UBE2D3: variants seen among roughly 807,000 people sequenced by gnomAD.
UBE2D3 encodes ubiquitin-conjugating enzyme E2 D3.
Under a neutral mutation model 22.8 loss-of-function variants are expected in UBE2D3, and 2 were observed. That is an observed-to-expected ratio of 0.09 (90% CI 0.04 to 0.28). The LOEUF (loss-of-function observed/expected upper bound fraction) is 0.28, where lower values mean the gene tolerates loss of function less well. UBE2D3 is among the 10% of genes least tolerant of loss of function. UBE2D3 has a pLI of 1.00. For missense variants in UBE2D3, 27 were observed against 182.5 expected (o/e 0.15, Z 4.91); for synonymous variants, 56 against 60.4 (o/e 0.93, Z 0.34).
chr4:102,804,002 C>G (rs960267499), intron 4 of UBE2D3, among the ~76,000 whole-genome samples: 1 of 152,088 alleles, frequency 6.6e-6, no homozygotes, highest in African/African-American at 2.4e-5. Flanking sequence ...GCCTCCTGAC[C>G]TTGTGATCCA....
intron 1 of UBE2D3, among the ~76,000 whole-genome samples, chr4:102,857,522 T>C (rs1038449285): frequency 6.6e-6 from 1 of 152,042 alleles, no homozygotes; most frequent in Non-Finnish European, 1.5e-5. Context: ...CAAAAGGAAA[T>C]GTGGCTGAAA....
intron 1 of UBE2D3, among the ~76,000 whole-genome samples, chr4:102,863,580 A>G (rs1473764363): frequency 1.3e-5 from 2 of 151,908 alleles, no homozygotes; most frequent in African/African-American, 4.8e-5. Context: ...TGCAACCTCC[A>G]TCTCCCGGGT....
At chr4:102,834,855 T>C (rs1295437976) in intron 1 of UBE2D3, among the ~76,000 whole-genome samples, 2 of 151,954 alleles carry the variant, frequency 1.3e-5, no homozygotes, top group African/African-American at 4.8e-5. Context: ...CTTGGCTCAC[T>C]GAAGCCTCTG....
At chr4:102,840,678 A>C (rs927487593) in intron 1 of UBE2D3, among the ~76,000 whole-genome samples, 4 of 152,230 alleles carry the variant, frequency 2.6e-5, no homozygotes, top group African/African-American at 9.6e-5. Flanking sequence ...TATAGCTAGT[A>C]ACAGTGAATG....
chr4:102,855,612 C>T (rs917321715), intron 1 of UBE2D3, among the ~76,000 whole-genome samples: 7 of 152,036 alleles, frequency 4.6e-5, no homozygotes, highest in African/African-American at 7.2e-5. Context: ...TTTATAGAGA[C>T]GAGGTCTTGC....
In UBE2D3 at chr4:102,868,713, A is replaced by C. The variant is rs541589753; in HGVS notation, c.-129+2T>G. The stretch of plus-strand genomic sequence containing the variant: ...ACGAAGTAGAGACAGCAAGAGACTC[A>C]CTTTTGAAAGGCACTTTCGGTTAGA... On this transcript the variant is annotated splice_donor_variant, in intron 1 of 7. Coordinates refer to the UBE2D3 transcript ENST00000338145. LOFTEE classifies it low-confidence loss of function (5UTR_SPLICE). 2 of 1,614,008 alleles carry C rather than the reference A, an allele frequency of 1.2e-6. No homozygotes were observed. The highest frequency in any genetic ancestry group is 2.7e-5 in the African/African-American group (2 of 74,998).
chr4:102,817,956 T>A (rs987311889), intron 2 of UBE2D3, among the ~76,000 whole-genome samples: 13 of 152,144 alleles, frequency 8.5e-5, no homozygotes, highest in African/African-American at 3.1e-4. Context: ...ACTAAAAAAT[T>A]ACACAATTGA....
At chr4:102,809,554 A>C in intron 4 of UBE2D3, 118 bp downstream of exon 4, 1 of 1,069,404 alleles carries the variant, frequency 9.4e-7, no homozygotes, top group Non-Finnish European at 1.3e-6. Flanking sequence ...CAACTATGGA[A>C]TATCCAAAAT....
chr4:102,842,561 A>C (rs1310504351), intron 1 of UBE2D3, among the ~76,000 whole-genome samples: 1 of 152,046 alleles, frequency 6.6e-6, no homozygotes, highest in Non-Finnish European at 1.5e-5. Context: ...TAAAAAAAAA[A>C]AAACCTCGAG....
chr4:102,839,363 C>T (rs574540113), intron 1 of UBE2D3, among the ~76,000 whole-genome samples: 1 of 152,292 alleles, frequency 6.6e-6, no homozygotes, highest in African/African-American at 2.4e-5. Flanking sequence ...ACCTCACAGG[C>T]TCAAGTGATC....
At chr4:102,805,615 G>A (rs1726907292) in intron 4 of UBE2D3, among the ~76,000 whole-genome samples, 1 of 151,588 alleles carries the variant, frequency 6.6e-6, no homozygotes, top group Non-Finnish European at 1.5e-5. Context: ...AGCCTCCAAA[G>A]AAGCTGGAAT....
chr4:102,801,800 G>A (rs1304811407), intron 5 of UBE2D3: 1 of 323,224 alleles, frequency 3.1e-6, no homozygotes, highest in East Asian at 6.0e-5. Flanking sequence ...AAAGGTTACT[G>A]TGGCCCTACC....
chr4:102,863,942 A>C (rs1733023205), intron 1 of UBE2D3, among the ~76,000 whole-genome samples: 1 of 152,222 alleles, frequency 6.6e-6, no homozygotes, highest in South Asian at 2.1e-4. Context: ...TTGACACATT[A>C]CATAATTACA....
At chr4:102,802,927 A>G (rs1318386696) in intron 4 of UBE2D3, among the ~76,000 whole-genome samples, 1 of 152,250 alleles carries the variant, frequency 6.6e-6, no homozygotes, top group East Asian at 1.9e-4. Flanking sequence ...AGTACAACAC[A>G]GCAATAAAGC....
rs868751110 is a variant in UBE2D3, at chr4:102,814,692, T to C, written c.25-4837A>G. Reference sequence around the variant, plus strand: ...ATAGGAATCACTACCTGGCACATAATGGACTGGTACTTAACAAGCAGACCA... The same window carrying C: ...ATAGGAATCACTACCTGGCACATAACGGACTGGTACTTAACAAGCAGACCA... On this transcript the variant is annotated intron_variant, in intron 2 of 7. Coordinates refer to ENST00000453744, the MANE Select transcript of UBE2D3 (RefSeq NM_181891.3). 5.3e-5 allele frequency among the ~76,000 whole-genome samples: 8 copies of C among 152,252 alleles called. No individual in the cohort carries two copies. The South Asian group carries it at 1.7e-3, about 32-fold the overall frequency.
intron 1 of UBE2D3, among the ~76,000 whole-genome samples, chr4:102,846,958 C>T (rs1364233778): frequency 6.6e-6 from 1 of 151,850 alleles, no homozygotes; most frequent in Non-Finnish European, 1.5e-5. Flanking sequence ...CCGGTAAATT[C>T]TGAGGAGAGC....
At chr4:102,809,327 C>G (rs754354987) in intron 4 of UBE2D3, 1 of 275,728 alleles carries the variant, frequency 3.6e-6, no homozygotes, top group Admixed American at 4.7e-5. Context: ...AGTAACACAA[C>G]GCATGGCATA....
intron 1 of UBE2D3, among the ~76,000 whole-genome samples, chr4:102,837,810 G>A (rs1314432983): frequency 2.0e-5 from 3 of 152,176 alleles, no homozygotes; most frequent in Non-Finnish European, 4.4e-5. Context: ...AAATTAGCCA[G>A]GCGTGGTGGC....
chr4:102,846,202 C>A (rs180908364), intron 1 of UBE2D3, among the ~76,000 whole-genome samples: 1 of 152,194 alleles, frequency 6.6e-6, no homozygotes, highest in Non-Finnish European at 1.5e-5. Flanking sequence ...CATCATCTCT[C>A]GCAAACAAAG....
Sources: gnomAD v4.1 joint callset for allele counts (sites outside exome capture counted in the v4.1 genomes callset) on GRCh38, gnomAD v4.1.1 for gene constraint, MANE v1.5 for transcripts, NCBI Gene and HGNC (gene_info 2026-07-23, HGNC 2026-07-21) for gene names.